The following PCDHGB4 variants were observed in gnomAD, a reference collection of about 807,000 sequenced individuals.
The protein encoded by PCDHGB4 is protocadherin gamma subfamily B, 4.
PCDHGB4 carries 38 observed loss-of-function variants against 60.5 expected under a neutral mutation model. The observed-to-expected ratio is 0.63, with a 90% CI of 0.48 to 0.82. The LOEUF (loss-of-function observed/expected upper bound fraction) is 0.82, where lower values mean the gene tolerates loss of function less well. Ranked by LOEUF, PCDHGB4 falls within the 40% of genes least tolerant of loss-of-function variation. The probability of loss-of-function intolerance (pLI) is 0.00; values close to 1 mark genes in which losing one functional copy is unlikely to be tolerated. For synonymous variants in PCDHGB4, 456 were observed against 509.7 expected, an observed-to-expected ratio of 0.89 and a Z score of 1.42; for missense variants, 1,109 against 1,209.6, an observed-to-expected ratio of 0.92 and a Z score of 1.23.
rs2099383865 is a variant in PCDHGB4, at chr5:141,476,005, A to G, written c.2398-18802A>G. 1 of 1,267,576 alleles carries G rather than the reference A, an allele frequency of 7.9e-7. No homozygotes were observed. Among genetic ancestry groups the G allele is most frequent in the East Asian group, 2.3e-5 (1 of 42,864 alleles). 78.5% of individuals were successfully genotyped at this position (1,267,576 alleles called of 1,614,324 possible). A position where few individuals can be genotyped will look rare whatever the true frequency, so the allele number is the denominator to read the frequency against. ...CGGCGAGCAAATCAACGGCATCCAG[A>G]AAGCCATGTCGGACTCGGCGCCCAG... On this transcript the variant is annotated intron_variant, in intron 1 of 3. Coordinates refer to ENST00000519479, the MANE Select transcript of PCDHGB4 (RefSeq NM_003736.4). This position sits in a 1 kb window ranked among gnomAD's most constrained non-coding sequence, Gnocchi z 7.6.
chr5:141,450,264 C>T (rs1395960399), intron 1 of PCDHGB4, among the ~76,000 whole-genome samples: 1 of 152,112 alleles, frequency 6.6e-6, no homozygotes, highest in Non-Finnish European at 1.5e-5. Flanking sequence ...GTGATCTGCC[C>T]ACCTCAGCTA....
chr5:141,421,239 G>T (rs773410079), intron 1 of PCDHGB4: 5 of 1,599,000 alleles, frequency 3.1e-6, no homozygotes, highest in Middle Eastern at 3.3e-4. Flanking sequence ...TGGCGAATCG[G>T]CTACAGCGCG....
chr5:141,394,524 G>T lies in PCDHGB4; in HGVS notation c.2397+4243G>T, dbSNP rs977174958. 13 of 1,614,214 alleles carry T rather than the reference G, an allele frequency of 8.1e-6. No homozygotes were observed. ...CCTGTACCCCGCCCTCCCCACAGAC[G>T]GTTCCACTGGCGTGGAGCTGGCGCC... On this transcript the variant is annotated intron_variant, in intron 1 of 3. Coordinates refer to ENST00000519479, the MANE Select transcript of PCDHGB4 (RefSeq NM_003736.4).
intron 1 of PCDHGB4, chr5:141,422,047 A>G: frequency 6.2e-7 from 1 of 1,611,610 alleles, no homozygotes; most frequent in Non-Finnish European, 8.5e-7. Context: ...AGACGAGGGA[A>G]TCAACGGGGA....
rs79464787 is a variant in PCDHGB4, at chr5:141,480,455, T to C, written c.2398-14352T>C. Among the ~76,000 whole-genome samples the C allele has an allele frequency of 7.4e-3, 1,134 of 152,274 alleles. 17 individuals are homozygous for C. The highest frequency in any genetic ancestry group is 0.026 in the African/African-American group (1,086 of 41,548). ...CAGCTATTACTATAATTATTTTTAT[T>C]AGTTCCTCACTCACCTAAAATCTCA... On this transcript the variant is annotated intron_variant, in intron 1 of 3. Transcript: ENST00000519479.
chr5:141,478,109 T>C, intron 1 of PCDHGB4: 1 of 1,614,086 alleles, frequency 6.2e-7, no homozygotes, highest in Non-Finnish European at 8.5e-7. Context: ...CCTCACTGTG[T>C]CAGTAACCGA....
chr5:141,421,078 C>T (rs11575964), intron 1 of PCDHGB4: 20,754 of 627,892 alleles, frequency 0.033, 387 homozygotes, highest in Middle Eastern at 0.088. Context: ...GAGATGGATA[C>T]TCACAGATCC....
At position 141,405,317 on chromosome 5, in the gene PCDHGB4, G is replaced by A. The variant is rs1443108777; in HGVS notation, c.2397+15036G>A. ...CAGCCAGCAGAGCTGTGAGAAAAAT[G>A]AGCCTTTGTGCGTCTCTGTTGATTC... On this transcript the variant is annotated intron_variant, in intron 1 of 3. Coordinates refer to ENST00000519479, the MANE Select transcript of PCDHGB4 (RefSeq NM_003736.4). 2.5e-6 allele frequency: 4 copies of A among 1,614,080 alleles called. No individual in the cohort carries two copies. The African/African-American group carries it at 5.3e-5, about 22-fold the overall frequency.
chr5:141,454,657 CG>C (rs1313292109), intron 1 of PCDHGB4, among the ~76,000 whole-genome samples: 1 of 152,074 alleles, frequency 6.6e-6, no homozygotes, highest in Admixed American at 6.6e-5. Flanking sequence ...CTGCCCACCT[CG>C]GCCTCCCAAA....
intron 1 of PCDHGB4, chr5:141,419,197 T>A (rs560134083): frequency 6.2e-7 from 1 of 1,613,966 alleles, no homozygotes; most frequent in East Asian, 2.2e-5. Flanking sequence ...CTGACGTCAA[T>A]GACAACGCGC....
At chr5:141,414,502 A>G in intron 1 of PCDHGB4, 1 of 1,613,944 alleles carries the variant, frequency 6.2e-7, no homozygotes, top group South Asian at 1.1e-5. Flanking sequence ...AGCTCACTTT[A>G]TGCTACAAGT....
At chr5:141,500,499 G>A (rs531501031) in intron 2 of PCDHGB4, among the ~76,000 whole-genome samples, 11 of 151,970 alleles carry the variant, frequency 7.2e-5, no homozygotes, top group African/African-American at 2.7e-4. Context: ...GTGAGCCACC[G>A]CGCCTGGCCG....
intron 1 of PCDHGB4, among the ~76,000 whole-genome samples, chr5:141,429,660 ATATAT>A (rs1388009014): frequency 1.3e-5 from 2 of 152,336 alleles, no homozygotes; most frequent in African/African-American, 4.8e-5. Flanking sequence ...CCAATTTAAA[ATATAT>A]TATTTTATTT....
At chr5:141,450,730 G>A (rs1046738914) in intron 1 of PCDHGB4, among the ~76,000 whole-genome samples, 10 of 152,024 alleles carry the variant, frequency 6.6e-5, no homozygotes, top group Non-Finnish European at 1.2e-4. Flanking sequence ...CAGGTGATCC[G>A]CCCGCCTTGG....
chr5:141,410,505 A>T (rs2095401601), intron 1 of PCDHGB4: 1 of 1,613,848 alleles, frequency 6.2e-7, no homozygotes, highest in Non-Finnish European at 8.5e-7. Flanking sequence ...AATTTCCTAA[A>T]ATGCAGTGTG....
At chr5:141,446,447 A>G (rs2098502204) in intron 1 of PCDHGB4, among the ~76,000 whole-genome samples, 1 of 151,946 alleles carries the variant, frequency 6.6e-6, no homozygotes, top group Non-Finnish European at 1.5e-5. Context: ...AACAGTGCAG[A>G]TATTCAGTGT....
intron 2 of PCDHGB4, 114 bp from the exon 3 acceptor site, chr5:141,505,279 C>A (rs780513022): frequency 1.3e-6 from 2 of 1,541,274 alleles, no homozygotes; most frequent in Non-Finnish European, 1.7e-6. Flanking sequence ...AGAAACAGGT[C>A]TTGGGCATGG....
At chr5:141,393,075 G>A in intron 1 of PCDHGB4, 1 of 1,613,702 alleles carries the variant, frequency 6.2e-7, no homozygotes, top group Non-Finnish European at 8.5e-7. Context: ...GATCACCGCG[G>A]GCAGGATAGA....
chr5:141,419,551 C>T lies in PCDHGB4; in HGVS notation c.2397+29270C>T, dbSNP rs772468979. Reference sequence around the variant, plus strand: ...ACGACAACGCACCGCGGGTGCTGTACCCTGCGCTGGGTCCCGACGGCTCCG... The same window carrying T: ...ACGACAACGCACCGCGGGTGCTGTATCCTGCGCTGGGTCCCGACGGCTCCG... On this transcript the variant is annotated intron_variant, in intron 1 of 3. Transcript: ENST00000519479. 7 of 1,611,916 alleles carry T rather than the reference C, an allele frequency of 4.3e-6. No individual in the cohort carries two copies. The Admixed American group carries it at 1.2e-4, about 27-fold the overall frequency.
Sources: gnomAD v4.1 joint callset for allele counts (sites outside exome capture counted in the v4.1 genomes callset) on GRCh38, gnomAD v4.1.1 for gene constraint, Gnocchi (gnomAD v3.1) non-coding constraint, MANE v1.5 for transcripts, NCBI Gene and HGNC (gene_info 2026-07-23, HGNC 2026-07-21) for gene names.